Variants in ZNF76 observed in about 807,000 individuals in gnomAD.
The protein encoded by ZNF76 is zinc finger protein 523.
Under a neutral mutation model 66.9 loss-of-function variants are expected in ZNF76, and 66 were observed. That is an observed-to-expected ratio of 0.99 (90% CI 0.81 to 1.21). ZNF76 has a LOEUF of 1.21. ZNF76 is among the 50% of genes most tolerant of loss of function. The pLI is 0.00. For missense variants in ZNF76, 729 were observed against 760.3 expected (o/e 0.96, Z 0.48); for synonymous variants, 275 against 296.1 (o/e 0.93, Z 0.73).
intron 2 of ZNF76, among the ~76,000 whole-genome samples, chr6:35,285,343 A>G (rs978312398): frequency 6.6e-6 from 1 of 152,248 alleles, no homozygotes. Flanking sequence ...TTGTGCTCAC[A>G]TAGTTCTCTA....
intron 1 of ZNF76, among the ~76,000 whole-genome samples, chr6:35,266,213 C>T (rs941726240): frequency 4.6e-4 from 70 of 151,158 alleles, no homozygotes; most frequent in African/African-American, 1.6e-3. Context: ...AGTGCAGTGG[C>T]GTGATCTCAG....
In ZNF76 at chr6:35,286,116, C is replaced by A. The variant is rs758226484; in HGVS notation, c.74-12C>A. ...GTCCTGGCCCATTTCTCTCTATTTC[C>A]ACTCTTAACAGGAGAGAAGCTTCTT... On this transcript the variant is annotated splice_polypyrimidine_tract_variant and intron_variant, in intron 2 of 13. Coordinates refer to ENST00000373953, the MANE Select transcript of ZNF76 (RefSeq NM_003427.5). 1 of 1,613,546 alleles carries A rather than the reference C, an allele frequency of 6.2e-7. No homozygotes were observed. The highest frequency in any genetic ancestry group is 1.1e-5 in the South Asian group (1 of 91,070).
intron 1 of ZNF76, among the ~76,000 whole-genome samples, chr6:35,267,897 G>C (rs947140350): frequency 6.6e-6 from 1 of 152,214 alleles, no homozygotes; most frequent in Non-Finnish European, 1.5e-5. Flanking sequence ...AGTGGTGGGG[G>C]CTTCAGTTCC....
chr6:35,274,416 G>T (rs1285113965), intron 1 of ZNF76, among the ~76,000 whole-genome samples: 1 of 152,240 alleles, frequency 6.6e-6, no homozygotes, highest in Non-Finnish European at 1.5e-5. Context: ...CAGCTTGTGT[G>T]TGGAGCGCAG....
intron 11 of ZNF76, among the ~76,000 whole-genome samples, chr6:35,293,440 G>A (rs915518726): frequency 6.6e-6 from 1 of 152,100 alleles, no homozygotes; most frequent in African/African-American, 2.4e-5. Flanking sequence ...ACCCTTGTCC[G>A]TACCCTTGCT....
At chr6:35,293,991 A>C in intron 12 of ZNF76, 76 bp downstream of exon 12, 1 of 1,529,824 alleles carries the variant, frequency 6.5e-7, no homozygotes. Context: ...AGTGCAGCCT[A>C]AACTAGTCAA....
intron 1 of ZNF76, among the ~76,000 whole-genome samples, chr6:35,263,498 G>A (rs1447481353): frequency 6.6e-6 from 1 of 152,156 alleles, no homozygotes; most frequent in Non-Finnish European, 1.5e-5. Flanking sequence ...TATTCTGTGG[G>A]TCACCAAATT....
intron 1 of ZNF76, chr6:35,279,457 T>C (rs1358662117): frequency 7.3e-6 from 1 of 137,336 alleles, no homozygotes. Context: ...GGACGGAGTC[T>C]CGCTCTGTCG....
At chr6:35,274,239 C>G (rs768609570) in intron 1 of ZNF76, among the ~76,000 whole-genome samples, 1 of 152,202 alleles carries the variant, frequency 6.6e-6, no homozygotes, top group Non-Finnish European at 1.5e-5. Flanking sequence ...ATTGAACATT[C>G]TTTTCAGGCA....
chr6:35,288,203 G>A (rs1789874411), intron 5 of ZNF76: 1 of 482,968 alleles, frequency 2.1e-6, no homozygotes, highest in South Asian at 1.6e-5. Flanking sequence ...TGCACTAGCT[G>A]GGAAAGCCCT....
chr6:35,281,024 A>T, intron 1 of ZNF76, 32 bp from the exon 2 acceptor site: 1 of 888,896 alleles, frequency 1.1e-6, no homozygotes, highest in Non-Finnish European at 1.9e-6. Context: ...AAAGCTGGTT[A>T]ACTCATAATG....
chr6:35,290,341 A>C lies in ZNF76; in HGVS notation c.508A>C (p.Lys170Gln). 1 of 1,614,246 alleles carries C rather than the reference A, an allele frequency of 6.2e-7. No individual in the cohort carries two copies. The highest frequency in any genetic ancestry group is 8.5e-7 in the Non-Finnish European group (1 of 1,180,036). ...VGDRAFRCGY[K>Q]GCGRLYTTAH... The stretch of plus-strand genomic sequence containing the variant: ...AGACAGAGCATTCCGCTGTGGCTAC[A>C]AGGGCTGTGGGCGTCTCTACACCAC... Residue 170 changes from lysine (K) to glutamine (Q), a missense_variant, in exon 6 of 14, where the codon AAG becomes CAG. Coordinates refer to ENST00000373953, the MANE Select transcript of ZNF76 (RefSeq NM_003427.5).
Position 35,295,053 on chromosome 6 carries a change from C to CA in ZNF76, c.1609-81dup, listed in dbSNP as rs113114842. On this transcript the variant is annotated intron_variant, in intron 13 of 13. Transcript: ENST00000373953. ...TGGCACTGGGTAGATGGGGGAGAGT[C>CA]AAAAAAAAAAGTAGGCCACATATTA... The CA allele has an allele frequency of 8.0e-3, 6,595 of 822,574 alleles. 1 individual carries two copies. The highest frequency in any genetic ancestry group is 1.0e-2 in the South Asian group (487 of 48,816). 51.0% of individuals were successfully genotyped at this position (822,574 alleles called of 1,614,324 possible).
At chr6:35,271,925 A>G (rs914055674) in intron 1 of ZNF76, among the ~76,000 whole-genome samples, 1 of 151,862 alleles carries the variant, frequency 6.6e-6, no homozygotes, top group Admixed American at 6.6e-5. Context: ...CCTCATCTCT[A>G]CAAAAATTTA....
At chr6:35,266,902 G>A (rs562691007) in intron 1 of ZNF76, among the ~76,000 whole-genome samples, 2 of 134,140 alleles carry the variant, frequency 1.5e-5, no homozygotes, top group Non-Finnish European at 3.1e-5. Flanking sequence ...CCGGGTTCAC[G>A]CCATTCTCCT....
At chr6:35,281,658 A>T (rs941925633) in intron 2 of ZNF76, among the ~76,000 whole-genome samples, 5 of 152,200 alleles carry the variant, frequency 3.3e-5, no homozygotes, top group African/African-American at 9.6e-5. Flanking sequence ...TAAGCCAGGC[A>T]TAGTGGCTCA....
At position 35,292,337 on chromosome 6, in the gene ZNF76, C is replaced by T; in HGVS notation, c.932-217C>T. 2 of 600,272 alleles carry T rather than the reference C, an allele frequency of 3.3e-6. No homozygotes were observed. Among genetic ancestry groups the T allele is most frequent in the East Asian group, 2.9e-5 (1 of 35,086 alleles). The allele number at this position is 600,272 out of a possible 1,614,324, so 37.2% of individuals were successfully genotyped here. A position where few individuals can be genotyped will look rare whatever the true frequency, so the allele number is the denominator to read the frequency against. On this transcript the variant is annotated intron_variant, in intron 9 of 13. Coordinates refer to ENST00000373953, the MANE Select transcript of ZNF76 (RefSeq NM_003427.5). The surrounding 1 kb of genome is among the most constrained non-coding windows in gnomAD (Gnocchi z 4.7). ...CCAGCCTTGCCCTGTCCCCCGTTTC[C>T]TTTCCGCCTTGTCTCTGGATTCAGT...
chr6:35,286,107 C>G (rs1253827577), intron 2 of ZNF76, 21 bp from the exon 3 acceptor site: 1 of 1,613,006 alleles, frequency 6.2e-7, no homozygotes, highest in Non-Finnish European at 8.5e-7. Flanking sequence ...GCCCATTTCT[C>G]TCTATTTCCA....
intron 2 of ZNF76, 117 bp downstream of exon 2, chr6:35,281,341 C>T: frequency 1.1e-6 from 1 of 892,664 alleles, no homozygotes; most frequent in Non-Finnish European, 1.8e-6. Flanking sequence ...CCTTGCCCAC[C>T]ACCACAATTT....
Sources: allele counts gnomAD v4.1 joint callset (sites outside exome capture counted in the v4.1 genomes callset), GRCh38; gene constraint gnomAD v4.1.1; non-coding constraint Gnocchi (gnomAD v3.1); transcripts MANE v1.5; gene names NCBI Gene and HGNC (gene_info 2026-07-23, HGNC 2026-07-21).